The following ADAMDEC1 variants were observed in gnomAD, a reference collection of about 807,000 sequenced individuals.
The protein encoded by ADAMDEC1 is ADAM DEC1.
In ADAMDEC1, 62 loss-of-function variants were observed where a neutral mutation model predicts 60.4. That is an observed-to-expected ratio of 1.03 (90% CI 0.84 to 1.27). The LOEUF is 1.27. Ranked by LOEUF, ADAMDEC1 falls within the 50% of genes most tolerant of loss-of-function variation. The probability of loss-of-function intolerance (pLI) is 0.00; values close to 1 mark genes in which losing one functional copy is unlikely to be tolerated. For missense variants in ADAMDEC1, 595 were observed against 565.0 expected (o/e 1.05, Z -0.54); for synonymous variants, 210 against 195.1 (o/e 1.08, Z -0.64).
intron 11 of ADAMDEC1, among the ~76,000 whole-genome samples, chr8:24,400,946 T>C (rs1817750764): frequency 1.4e-5 from 2 of 146,424 alleles, no homozygotes; most frequent in Non-Finnish European, 3.0e-5. Flanking sequence ...TTCATCCATG[T>C]CCCTACAAAG....
intron 5 of ADAMDEC1, among the ~76,000 whole-genome samples, chr8:24,396,658 C>G (rs1256881856): frequency 6.6e-6 from 1 of 152,050 alleles, no homozygotes; most frequent in Non-Finnish European, 1.5e-5. Flanking sequence ...AAAAAAAAAA[C>G]CACATTGTTC....
chr8:24,385,930 G>T (rs1232357659), intron 1 of ADAMDEC1, among the ~76,000 whole-genome samples: 1 of 69,114 alleles, frequency 1.4e-5, no homozygotes, highest in Non-Finnish European at 2.9e-5. Flanking sequence ...TAATGAAATA[G>T]AACTTGATTG....
chr8:24,393,401 T>C (rs1817501988), intron 3 of ADAMDEC1, 63 bp downstream of exon 3: 6 of 1,160,490 alleles, frequency 5.2e-6, no homozygotes, highest in South Asian at 2.8e-5. Flanking sequence ...GAGCAATCTT[T>C]TTGAGGCTCC....
rs754771796 is a variant in ADAMDEC1, at chr8:24,384,555, C to T, written c.51C>T (p.Val17=). Residue 17 remains valine (V), a synonymous_variant, in exon 1 of 14, where the codon GTC becomes GTT. Coordinates refer to ENST00000256412, the MANE Select transcript of ADAMDEC1 (RefSeq NM_014479.3). The stretch of plus-strand genomic sequence containing the variant: ...CTGCAGTGGCCACCATGTCTTGGGT[C>T]CTGCTGCCTGTACTTTGGCTCATTG... The part of the protein sequence containing the change: ...QLPAVATMSW[V]LLPVLWLIVQ... The T allele has an allele frequency of 3.7e-6, 6 of 1,611,248 alleles. No homozygotes were observed. The highest frequency in any genetic ancestry group is 1.3e-5 in the African/African-American group (1 of 74,778).
At chr8:24,404,397 T>A (rs1817839831) in intron 13 of ADAMDEC1, among the ~76,000 whole-genome samples, 1 of 152,154 alleles carries the variant, frequency 6.6e-6, no homozygotes, top group South Asian at 2.1e-4. Flanking sequence ...AAAAGAAAAG[T>A]GTATTTAAAA....
intron 1 of ADAMDEC1, chr8:24,390,043 A>C: frequency 2.5e-6 from 1 of 400,106 alleles, no homozygotes; most frequent in Admixed American, 2.9e-5. Context: ...ATAAACATAC[A>C]TAATATAATA....
Position 24,393,402 on chromosome 8 carries a change from T to C in ADAMDEC1, c.284+64T>C, listed in dbSNP as rs533108749. On this transcript the variant is annotated intron_variant, in intron 3 of 13. Coordinates refer to ENST00000256412, the MANE Select transcript of ADAMDEC1 (RefSeq NM_014479.3). ...GTTATGAAATTGGGGAGCAATCTTT[T>C]TGAGGCTCCATTTAGTGTGGTTTGA... 36 of 1,154,982 alleles carry C rather than the reference T, an allele frequency of 3.1e-5. No individual in the cohort carries two copies. The South Asian group carries it at 4.9e-4, about 16-fold the overall frequency. 71.5% of individuals were successfully genotyped at this position (1,154,982 alleles called of 1,614,324 possible).
chr8:24,395,469 A>G (rs1420554549), intron 4 of ADAMDEC1, among the ~76,000 whole-genome samples: 1 of 152,192 alleles, frequency 6.6e-6, no homozygotes, highest in Non-Finnish European at 1.5e-5. Flanking sequence ...TAATGTCAGA[A>G]AAACAGTTCA....
At chr8:24,392,230 C>T in intron 1 of ADAMDEC1, 32 bp from the exon 2 acceptor site, 2 of 1,521,774 alleles carry the variant, frequency 1.3e-6, no homozygotes, top group Non-Finnish European at 1.8e-6. Flanking sequence ...ACCTTTAAAT[C>T]TTTTATGTGA....
At chr8:24,390,424 T>C (rs1426196110) in intron 1 of ADAMDEC1, among the ~76,000 whole-genome samples, 1 of 152,188 alleles carries the variant, frequency 6.6e-6, no homozygotes, top group Non-Finnish European at 1.5e-5. Flanking sequence ...TTGATAGTCA[T>C]TAAAAAGACA....
chr8:24,403,110 C>T (rs1226305271), intron 12 of ADAMDEC1, among the ~76,000 whole-genome samples: 1 of 152,028 alleles, frequency 6.6e-6, no homozygotes, highest in Non-Finnish European at 1.5e-5. Flanking sequence ...CCATTGTATA[C>T]ACAATATGTA....
In ADAMDEC1 at chr8:24,400,267, C is replaced by T. The variant is rs1456833923; in HGVS notation, c.1109C>T (p.Pro370Leu). ...GATGTTCCATTCAACACCAAGTGTC[C>T]CTCTGGCAGTTGTGTGATGAATCAG... ...MPDVPFNTKC[P>L]SGSCVMNQYL... Residue 370 changes from proline (P) to leucine (L), a missense_variant, in exon 11 of 14, where the codon CCC (proline) becomes CTC (leucine). Transcript: ENST00000256412. 6.2e-7 allele frequency: 1 copy of T among 1,611,162 alleles called. No individual in the cohort carries two copies. Among genetic ancestry groups the T allele is most frequent in the African/African-American group, 1.3e-5 (1 of 74,806 alleles).
In ADAMDEC1 at chr8:24,399,481, A is replaced by G; in HGVS notation, c.1011+7A>G. Reference sequence around the variant, plus strand: ...TTCGGTTGCTGTTATTGAGGTTTGTAAATTTGTAGTAAGGCTCTCTGTGGT... The same window carrying G: ...TTCGGTTGCTGTTATTGAGGTTTGTGAATTTGTAGTAAGGCTCTCTGTGGT... On this transcript the variant is annotated splice_region_variant and intron_variant, in intron 10 of 13. Transcript: ENST00000256412. 1.2e-6 allele frequency: 2 copies of G among 1,610,050 alleles called. No individual in the cohort carries two copies. The highest frequency in any genetic ancestry group is 1.7e-6 in the Non-Finnish European group (2 of 1,176,398).
chr8:24,388,131 T>C (rs1456508585), intron 1 of ADAMDEC1: 2 of 152,732 alleles, frequency 1.3e-5, no homozygotes, highest in Non-Finnish European at 2.9e-5. Flanking sequence ...CTACACTCCC[T>C]GGTACCTACT....
At position 24,399,444 on chromosome 8, in the gene ADAMDEC1, G is replaced by A; in HGVS notation, c.981G>A (p.Leu327=). 1 of 1,613,864 alleles carries A rather than the reference G, an allele frequency of 6.2e-7. No homozygotes were observed. The highest frequency in any genetic ancestry group is 8.5e-7 in the Non-Finnish European group (1 of 1,179,884). Reference sequence around the variant, plus strand: ...TGGGACTGGCAGCTTCAAATTCCTTGTGTTCCCCATCTTCGGTTGCTGTTA... The same window carrying A: ...TGGGACTGGCAGCTTCAAATTCCTTATGTTCCCCATCTTCGGTTGCTGTTA... ...RRVGLAASNS[L]CSPSSVAVIE... Residue 327 remains leucine, a synonymous_variant, in exon 10 of 14, where the codon TTG becomes TTA. Coordinates refer to ENST00000256412, the MANE Select transcript of ADAMDEC1 (RefSeq NM_014479.3).
At chr8:24,404,182 A>C in intron 13 of ADAMDEC1, 94 bp downstream of exon 13, 1 of 1,047,334 alleles carries the variant, frequency 9.5e-7, no homozygotes, top group Non-Finnish European at 1.4e-6. Context: ...ATACACTAAA[A>C]CACAATGTAT....
At position 24,395,781 on chromosome 8, in the gene ADAMDEC1, C is replaced by T. The variant is rs778600222; in HGVS notation, c.425C>T (p.Thr142Ile). ...NEKNSVASIS[T>I]CDGLRGYFTH... ...AAGAATTCTGTTGCCAGCATCAGTA[C>T]TTGTGACGGGTTGAGGTAAGAACTA... The change falls in exon 5 of 14, where the codon ACT (threonine) becomes ATT (isoleucine). Residue 142 changes from threonine (T) to isoleucine (I), a missense_variant. Thr to Ile is a moderately conservative substitution (Grantham distance 89). Transcript: ENST00000256412. 5.6e-6 allele frequency: 9 copies of T among 1,613,232 alleles called. No homozygotes were observed. The highest frequency in any genetic ancestry group is 1.7e-5 in the Admixed American group (1 of 59,990).
At position 24,395,682 on chromosome 8, in the gene ADAMDEC1, A is replaced by G. The variant is rs80155797; in HGVS notation, c.364-38A>G. On this transcript the variant is annotated intron_variant, in intron 4 of 13. Coordinates refer to ENST00000256412, the MANE Select transcript of ADAMDEC1 (RefSeq NM_014479.3). ...CACACACTCACATACACACACACAC[A>G]CACATTTCTGAAGCATAATTTCTTT... The G allele has an allele frequency of 5.1e-3, 7,261 of 1,415,114 alleles. 319 individuals are homozygous for G. The African/African-American group carries it at 0.092, about 18-fold the overall frequency. 87.7% of individuals were successfully genotyped at this position (1,415,114 alleles called of 1,614,324 possible).
chr8:24,403,260 C>CA (rs1345957738), intron 12 of ADAMDEC1, among the ~76,000 whole-genome samples: 1 of 151,726 alleles, frequency 6.6e-6, no homozygotes, highest in African/African-American at 2.4e-5. Flanking sequence ...TTTTCTTTTC[C>CA]AAAAAGTAGT....
Sources: allele counts gnomAD v4.1 joint callset (sites outside exome capture counted in the v4.1 genomes callset), GRCh38; gene constraint gnomAD v4.1.1; transcripts MANE v1.5; gene names NCBI Gene and HGNC (gene_info 2026-07-23, HGNC 2026-07-21).